Variants in LRP1B observed in about 807,000 individuals in gnomAD.
The protein encoded by LRP1B is LDL receptor related protein 1B, also known as low-density lipoprotein receptor-related protein 1B.
In LRP1B, 217 loss-of-function variants were observed where a neutral mutation model predicts 556.6. The ratio of observed to expected loss-of-function variants is 0.39; its 90% CI spans 0.35 to 0.44. LRP1B has a LOEUF of 0.44. Among genes scored for constraint, LRP1B ranks in the 20% least tolerant of loss-of-function variants. The pLI is 1.00. For synonymous variants in LRP1B, 2,047 were observed against 1,865.8 expected (o/e 1.10, Z -2.50); for missense variants, 5,053 against 5,620.8 (o/e 0.90, Z 3.23).
chr2:141,542,399 C>T (rs887921513), intron 2 of LRP1B, among the ~76,000 whole-genome samples: 1 of 151,882 alleles, frequency 6.6e-6, no homozygotes, highest in Non-Finnish European at 1.5e-5. Flanking sequence ...GATATCTATT[C>T]AAATATTTTA....
intron 41 of LRP1B, among the ~76,000 whole-genome samples, chr2:140,631,316 A>G (rs934813806): frequency 3.3e-5 from 5 of 152,234 alleles, no homozygotes. Context: ...GAAACAAAGC[A>G]TGCATCAGAA....
At chr2:141,882,862 G>GT (rs985094045) in intron 1 of LRP1B, among the ~76,000 whole-genome samples, 10 of 151,908 alleles carry the variant, frequency 6.6e-5, no homozygotes, top group South Asian at 2.1e-4. Flanking sequence ...CACACATTCT[G>GT]TTTTTTTTAT....
rs185020596 is a variant in LRP1B, at chr2:142,123,047, T to A, written c.82+7601A>T. Among the ~76,000 whole-genome samples, 93 of 152,200 alleles carry A rather than the reference T, an allele frequency of 6.1e-4. 1 individual carries two copies. The highest frequency in any genetic ancestry group is 1.5e-4 in the Non-Finnish European group (10 of 67,928). ...TTCTGACTATCAAAGTTCTCTTTCTTGGCATTGTTTTTCTTCCTTTCCTTA... is the reference window on the plus strand; with the variant it reads ...TTCTGACTATCAAAGTTCTCTTTCTAGGCATTGTTTTTCTTCCTTTCCTTA... On this transcript the variant is annotated intron_variant, in intron 1 of 90. Coordinates refer to ENST00000389484, the MANE Select transcript of LRP1B (RefSeq NM_018557.3).
chr2:140,863,161 TATATATATATGTGTTACACACACACAC>T (rs1692849563), intron 27 of LRP1B, among the ~76,000 whole-genome samples: 1 of 151,428 alleles, frequency 6.6e-6, no homozygotes, highest in Non-Finnish European at 1.5e-5. Flanking sequence ...TGTGTGTGTA[TATATATATATGTGTTACACACACACAC>T]ATATATATTC....
intron 2 of LRP1B, among the ~76,000 whole-genome samples, chr2:141,640,925 T>A (rs1689307125): frequency 6.6e-6 from 1 of 152,196 alleles, no homozygotes; most frequent in Non-Finnish European, 1.5e-5. Context: ...AGTGTTTTTG[T>A]GGTGGTGAGC....
chr2:141,972,281 G>C (rs558116299), intron 1 of LRP1B, among the ~76,000 whole-genome samples: 26 of 151,540 alleles, frequency 1.7e-4, no homozygotes, highest in African/African-American at 6.0e-4. Context: ...AGTTGATTTA[G>C]ATTGAGTATA....
chr2:141,164,084 A>T (rs1301918931), intron 7 of LRP1B, among the ~76,000 whole-genome samples: 1 of 152,098 alleles, frequency 6.6e-6, no homozygotes, highest in Non-Finnish European at 1.5e-5. Context: ...AAATTGGATG[A>T]CAGAGAATTT....
At chr2:141,922,419 T>A (rs1700214892) in intron 1 of LRP1B, among the ~76,000 whole-genome samples, 1 of 152,168 alleles carries the variant, frequency 6.6e-6, no homozygotes. Flanking sequence ...ATGCTACTGT[T>A]TACAGTTCAG....
chr2:141,579,249 T>A (rs1206063902), intron 2 of LRP1B, among the ~76,000 whole-genome samples: 1 of 152,064 alleles, frequency 6.6e-6, no homozygotes, highest in Non-Finnish European at 1.5e-5. Context: ...GCAGTTACAG[T>A]CACATTTGCA....
At position 141,983,976 on chromosome 2, in the gene LRP1B, G is replaced by A. The variant is rs189299787; in HGVS notation, c.82+146672C>T. On this transcript the variant is annotated intron_variant, in intron 1 of 90. Transcript: ENST00000389484. ...CTCAGGAAGCTGAGGCAGGAGAATCGCTTGAACCCTGGAGGTGGAGGTTGC... is the reference window on the plus strand; with the variant it reads ...CTCAGGAAGCTGAGGCAGGAGAATCACTTGAACCCTGGAGGTGGAGGTTGC... Among the ~76,000 whole-genome samples the A allele has an allele frequency of 4.2e-3, 636 of 152,196 alleles. 7 individuals are homozygous for A. Among genetic ancestry groups the A allele is most frequent in the African/African-American group, 0.015 (605 of 41,550 alleles).
At chr2:141,820,164 C>T (rs1249475838) in intron 1 of LRP1B, among the ~76,000 whole-genome samples, 1 of 152,184 alleles carries the variant, frequency 6.6e-6, no homozygotes, top group Non-Finnish European at 1.5e-5. Flanking sequence ...TCCAGAGTCT[C>T]TTAAAGACTG....
intron 1 of LRP1B, among the ~76,000 whole-genome samples, chr2:141,966,390 G>A (rs2105065863): frequency 6.6e-6 from 1 of 151,968 alleles, no homozygotes; most frequent in African/African-American, 2.4e-5. Context: ...TGTCTGTGAT[G>A]TCCTCTTGGA....
intron 83 of LRP1B, among the ~76,000 whole-genome samples, chr2:140,311,694 G>GT (rs1489696815): frequency 6.6e-6 from 1 of 151,860 alleles, no homozygotes; most frequent in African/African-American, 2.4e-5. Context: ...AAAAAGGCAA[G>GT]TAGAACCAAA....
At chr2:141,072,064 A>G (rs1699660602) in intron 7 of LRP1B, among the ~76,000 whole-genome samples, 1 of 152,094 alleles carries the variant, frequency 6.6e-6, no homozygotes, top group South Asian at 2.1e-4. Context: ...AGCATAAGAC[A>G]GGCTAACATT....
intron 1 of LRP1B, among the ~76,000 whole-genome samples, chr2:142,046,972 G>A (rs1452604875): frequency 6.6e-6 from 1 of 151,902 alleles, no homozygotes; most frequent in Non-Finnish European, 1.5e-5. Context: ...AACTAACTTG[G>A]CCAATATCAC....
intron 3 of LRP1B, among the ~76,000 whole-genome samples, chr2:141,359,564 T>C (rs867582712): frequency 1.3e-5 from 2 of 152,260 alleles, no homozygotes; most frequent in Middle Eastern, 3.4e-3. Flanking sequence ...AAGACCAGCC[T>C]GGGCAAGATG....
In LRP1B at chr2:141,181,964, G is replaced by A. The variant is rs1044254259; in HGVS notation, c.1013+6457C>T. Among the ~76,000 whole-genome samples, 11 of 151,948 alleles carry A rather than the reference G, an allele frequency of 7.2e-5. No individual in the cohort carries two copies. In the East Asian group the frequency reaches 1.7e-3, roughly 24 times the overall value. On this transcript the variant is annotated intron_variant, in intron 7 of 90. Transcript: ENST00000389484. ...ACCGCTAAGTTCAGTCAAAATTAGT[G>A]CAGACCAGGAAACACATACTTTCTC...
chr2:140,330,383 C>T (rs931884384), intron 79 of LRP1B, among the ~76,000 whole-genome samples: 4 of 151,620 alleles, frequency 2.6e-5, no homozygotes, highest in African/African-American at 9.7e-5. Context: ...ACACATAGAC[C>T]AATGGAACAG....
chr2:141,936,741 G>A (rs1238400965), intron 1 of LRP1B, among the ~76,000 whole-genome samples: 2 of 152,078 alleles, frequency 1.3e-5, no homozygotes, highest in South Asian at 2.1e-4. Context: ...TTCATCATTC[G>A]TAGGATTCCT....
Sources: allele counts gnomAD v4.1 joint callset (sites outside exome capture counted in the v4.1 genomes callset), GRCh38; gene constraint gnomAD v4.1.1; transcripts MANE v1.5; gene names NCBI Gene and HGNC (gene_info 2026-07-23, HGNC 2026-07-21).